The following BRCC3 variants were observed in gnomAD, a reference collection of about 807,000 sequenced individuals.
The protein encoded by BRCC3 is lys-63-specific deubiquitinase BRCC36.
Under a neutral mutation model 28.0 loss-of-function variants are expected in BRCC3, and 15 were observed. That is an observed-to-expected ratio of 0.54 (90% CI 0.36 to 0.82). The LOEUF (loss-of-function observed/expected upper bound fraction) is 0.82, where lower values mean the gene tolerates loss of function less well. Ranked by LOEUF, BRCC3 falls within the 40% of genes least tolerant of loss-of-function variation. The pLI is 0.01. For missense variants in BRCC3, 109 were observed against 225.9 expected (o/e 0.48, Z 3.32); for synonymous variants, 66 against 80.3 (o/e 0.82, Z 0.95).
At chrX:155,081,699 A>G (rs1447591785) in intron 5 of BRCC3, among the ~76,000 whole-genome samples, 1 of 111,921 alleles carries the variant, frequency 8.9e-6, no homozygotes, top group East Asian at 2.8e-4. Flanking sequence ...GGTGAGGGAG[A>G]GTGACGTGAC....
chrX:155,075,292 C>T (rs2074026094), intron 3 of BRCC3, among the ~76,000 whole-genome samples: 2 of 109,076 alleles, frequency 1.8e-5, no homozygotes, highest in Non-Finnish European at 3.8e-5. Context: ...CCACTCTTTC[C>T]CCTGGCCCTT....
intron 9 of BRCC3, among the ~76,000 whole-genome samples, chrX:155,118,509 G>A (rs1462753075): frequency 8.9e-6 from 1 of 112,110 alleles, no homozygotes; most frequent in Admixed American, 9.4e-5. Context: ...TTCATTTTGT[G>A]TTGTTATGAA....
intron 7 of BRCC3, chrX:155,099,226 A>G (rs2074231551): frequency 1.2e-6 from 1 of 861,458 alleles, no homozygotes; most frequent in Non-Finnish European, 1.5e-6. Flanking sequence ...CTGGAGATGG[A>G]TATCAGGTCT....
Position 155,077,225 on chromosome X carries a change from A to G in BRCC3, c.251A>G (p.Asp84Gly). The G allele has an allele frequency of 8.4e-7, 1 of 1,194,059 alleles. No individual in the cohort carries two copies. The highest frequency in any genetic ancestry group is 1.1e-6 in the Non-Finnish European group (1 of 883,877). The change falls in exon 4 of 11, where the codon GAT becomes GGT. Residue 84 changes from aspartate (D) to glycine (G), a missense_variant. Physicochemically the swap from Asp to Gly is moderately conservative, Grantham distance 94. Around this residue, in one of 3 missense-constraint regions of BRCC3, gnomAD observed 58 missense variants for 92.8 expected, o/e 0.63. Coordinates refer to ENST00000330045, the MANE Select transcript of BRCC3 (RefSeq NM_001018055.3). The part of the protein sequence containing the change: ...IHSVIILRRS[D>G]KRKDRVEISP... The stretch of plus-strand genomic sequence containing the variant: ...TCTGTCATCATCTTACGACGTTCTG[A>G]TAAGAGGAAGGACCGAGTAGAAATT...
At chrX:155,114,777 G>C (rs1209224417) in intron 7 of BRCC3, among the ~76,000 whole-genome samples, 1 of 110,214 alleles carries the variant, frequency 9.1e-6, no homozygotes, top group East Asian at 2.8e-4. Flanking sequence ...GCATGTGACA[G>C]AACTGTGAGG....
intron 5 of BRCC3, among the ~76,000 whole-genome samples, chrX:155,087,191 T>C (rs1158755910): frequency 9.0e-6 from 1 of 111,535 alleles, no homozygotes; most frequent in African/African-American, 3.3e-5. Flanking sequence ...TAGACAATGC[T>C]CAGAGGGGGT....
intron 3 of BRCC3, among the ~76,000 whole-genome samples, chrX:155,075,272 AATGCTAAGCCC>A (rs2074023823): frequency 3.9e-5 from 2 of 51,226 alleles, no homozygotes; most frequent in Non-Finnish European, 5.9e-5. Flanking sequence ...AACATCTGAT[AATGCTAAGCCC>A]ACTCTTTCCC....
chrX:155,077,120 G>A (rs1345502711), intron 3 of BRCC3, 50 bp from the exon 4 acceptor site: 1 of 1,070,289 alleles, frequency 9.3e-7, no homozygotes, highest in African/African-American at 1.9e-5. Context: ...GAAGGGGGAT[G>A]TGTTATTGGA....
chrX:155,076,564 G>C (rs1002331424), intron 3 of BRCC3, among the ~76,000 whole-genome samples: 7 of 110,832 alleles, frequency 6.3e-5, no homozygotes, highest in African/African-American at 2.3e-4. Flanking sequence ...GAGAGAGAGA[G>C]AGTGAGGGGG....
intron 7 of BRCC3, among the ~76,000 whole-genome samples, chrX:155,097,088 G>A: frequency 8.9e-6 from 1 of 111,836 alleles, no homozygotes; most frequent in Middle Eastern, 4.7e-3. Context: ...CTTGACATTG[G>A]TCTTGGCAAA....
intron 7 of BRCC3, among the ~76,000 whole-genome samples, chrX:155,095,756 T>C (rs1557296170): frequency 8.9e-6 from 1 of 112,157 alleles, no homozygotes; most frequent in African/African-American, 3.2e-5. Context: ...CCATTCATGG[T>C]AAGTGCCCTA....
At chrX:155,078,752 A>C in intron 5 of BRCC3, 49 bp downstream of exon 5, 83 of 955,431 alleles carry the variant, frequency 8.7e-5, no homozygotes, top group Non-Finnish European at 1.1e-4. Context: ...AATTAATATC[A>C]TGTTTCCTTT....
Position 155,071,693 on chromosome X carries a change from C to A in BRCC3, c.123+43C>A, listed in dbSNP as rs782105168. ...CCTGGATGGAACCCTGCTGAGCAGT[C>A]CCAGTGTGTCCCCGGGGTGGGTGCC... On this transcript the variant is annotated intron_variant, in intron 1 of 10. Coordinates refer to ENST00000330045, the MANE Select transcript of BRCC3 (RefSeq NM_001018055.3). The A allele has an allele frequency of 5.1e-6, 6 of 1,174,615 alleles. No homozygotes were observed. In the East Asian group the frequency reaches 1.9e-4, roughly 37 times the overall value.
intron 2 of BRCC3, 119 bp downstream of exon 2, chrX:155,072,462 T>G: frequency 3.8e-6 from 2 of 526,014 alleles, no homozygotes; most frequent in East Asian, 7.2e-5. Context: ...CCATTATCAC[T>G]CCGGGGCTCC....
At chrX:155,085,422 G>C (rs782041594) in intron 5 of BRCC3, among the ~76,000 whole-genome samples, 27 of 112,259 alleles carry the variant, frequency 2.4e-4, no homozygotes, top group African/African-American at 7.1e-4. Flanking sequence ...AGCTTAACCA[G>C]CTCTCTGCCG....
chrX:155,074,237 C>G (rs1361357767), intron 3 of BRCC3, among the ~76,000 whole-genome samples: 1 of 112,077 alleles, frequency 8.9e-6, no homozygotes, highest in Non-Finnish European at 1.9e-5. Context: ...TTAAATTACT[C>G]TCATTTTCAG....
rs184669955 is a variant in BRCC3 at position 155,090,380 on chromosome X, C to T, written c.493-404C>T. 6.5e-3 allele frequency among the ~76,000 whole-genome samples: 726 copies of T among 112,506 alleles called. 3 individuals are homozygous for T. The highest frequency in any genetic ancestry group is 9.2e-3 in the Middle Eastern group (2 of 217). On this transcript the variant is annotated intron_variant, in intron 6 of 10. Transcript: ENST00000330045. ...AATCTGTGTTAATAATGAATATTTT[C>T]CATAAAATCAGTTTTCCAGAAACAC...
At chrX:155,081,978 T>C (rs2124251110) in intron 5 of BRCC3, among the ~76,000 whole-genome samples, 1 of 111,684 alleles carries the variant, frequency 9.0e-6, no homozygotes, top group South Asian at 3.7e-4. Flanking sequence ...ATAGAACATT[T>C]GTACTTGTAA....
chrX:155,105,753 C>G (rs782758314), intron 7 of BRCC3, among the ~76,000 whole-genome samples: 9 of 112,079 alleles, frequency 8.0e-5, no homozygotes, highest in Non-Finnish European at 1.7e-4. Flanking sequence ...GGCTGGAGTG[C>G]AGTGGTGCGA....
Sources: gnomAD v4.1 joint callset for allele counts (sites outside exome capture counted in the v4.1 genomes callset) on GRCh38, gnomAD v4.1.1 for gene constraint, gnomAD v4.1.1 regional missense constraint, MANE v1.5 for transcripts, NCBI Gene and HGNC (gene_info 2026-07-23, HGNC 2026-07-21) for gene names.